NOL10: variants seen among roughly 807,000 people sequenced by gnomAD.
NOL10 encodes the protein H_NH0074G24.1.
NOL10 carries 58 observed loss-of-function variants against 103.5 expected under a neutral mutation model. The observed-to-expected ratio is 0.56, with a 90% CI of 0.45 to 0.70. NOL10 has a LOEUF of 0.70. Among genes scored for constraint, NOL10 ranks in the 30% least tolerant of loss-of-function variants. The pLI, the probability that NOL10 is intolerant of heterozygous loss-of-function variation, is 0.00. For synonymous variants in NOL10, 287 were observed against 282.5 expected (o/e 1.02, Z -0.16); for missense variants, 763 against 807.3 (o/e 0.95, Z 0.67).
chr2:10,642,047 T>C (rs1021886591), intron 13 of NOL10, among the ~76,000 whole-genome samples: 15 of 152,200 alleles, frequency 9.9e-5, no homozygotes, highest in African/African-American at 3.6e-4. Flanking sequence ...TAAGCACTTC[T>C]AAGAGGAAGA....
At chr2:10,573,530 A>G (rs1674294208) in intron 20 of NOL10, among the ~76,000 whole-genome samples, 1 of 151,960 alleles carries the variant, frequency 6.6e-6, no homozygotes. Flanking sequence ...AAACACATGC[A>G]TCTGTGTGTT....
At chr2:10,605,702 C>T (rs1025456187) in intron 14 of NOL10, among the ~76,000 whole-genome samples, 7 of 151,826 alleles carry the variant, frequency 4.6e-5, no homozygotes, top group African/African-American at 1.2e-4. Context: ...TTTTTTCATT[C>T]GATTTAAGAA....
At chr2:10,688,451 G>A (rs1423387007) in intron 1 of NOL10, among the ~76,000 whole-genome samples, 4 of 152,110 alleles carry the variant, frequency 2.6e-5, no homozygotes, top group Admixed American at 1.3e-4. Context: ...CCCATGTGGG[G>A]CTTTTGCACT....
intron 12 of NOL10, among the ~76,000 whole-genome samples, chr2:10,649,146 C>G (rs1421186967): frequency 3.3e-5 from 5 of 151,990 alleles, no homozygotes; most frequent in Non-Finnish European, 7.4e-5. Context: ...GTGAGTGCCA[C>G]CATGTCTGCA....
intron 13 of NOL10, among the ~76,000 whole-genome samples, chr2:10,640,061 C>G (rs1452021239): frequency 6.6e-6 from 1 of 152,156 alleles, no homozygotes; most frequent in Non-Finnish European, 1.5e-5. Flanking sequence ...ACTAAGTTGC[C>G]TTCATCTTCA....
At chr2:10,633,155 T>A (rs1351475914) in intron 13 of NOL10, among the ~76,000 whole-genome samples, 1 of 152,156 alleles carries the variant, frequency 6.6e-6, no homozygotes, top group African/African-American at 2.4e-5. Context: ...CCAAGCACAG[T>A]TGTCCTTGGC....
intron 13 of NOL10, chr2:10,622,141 G>C (rs1677183850): frequency 4.3e-6 from 2 of 464,512 alleles, no homozygotes; most frequent in African/African-American, 4.2e-5. Context: ...GACAGCACTG[G>C]TTTAGAGAAC....
intron 5 of NOL10, chr2:10,673,182 C>G (rs1318425564): frequency 5.2e-6 from 1 of 190,970 alleles, no homozygotes; most frequent in East Asian, 1.2e-4. Context: ...GCAAATAAAT[C>G]TAGGTTAAAC....
At chr2:10,637,551 C>A (rs1572347250) in intron 13 of NOL10, among the ~76,000 whole-genome samples, 1 of 152,320 alleles carries the variant, frequency 6.6e-6, no homozygotes, top group African/African-American at 2.4e-5. Context: ...GAAGGCCTCA[C>A]CTCTGCGGGG....
At chr2:10,659,347 G>GT (rs1553311151) in intron 9 of NOL10, 97 bp from the exon 10 acceptor site, 2 of 488,476 alleles carry the variant, frequency 4.1e-6, no homozygotes, top group Non-Finnish European at 7.7e-6. Flanking sequence ...CTAATGGGGG[G>GT]GGGGGGGAGG....
rs70953315 is a variant in NOL10 at position 10,591,997 on chromosome 2, CACAAACAAACAA to C, written c.1423-2258_1423-2247del. 1.6e-3 allele frequency among the ~76,000 whole-genome samples: 146 copies of C among 88,764 alleles called. 1 individual carries two copies. The highest frequency in any genetic ancestry group is 4.3e-3 in the African/African-American group (135 of 31,062). 58.2% of individuals were successfully genotyped at this position (88,764 alleles called of 152,430 possible). A position where few individuals can be genotyped will look rare whatever the true frequency, so the allele number is the denominator to read the frequency against. On this transcript the variant is annotated intron_variant, in intron 17 of 20. Transcript: ENST00000381685. ...AGCCTGCGTAACAGAGAGACCTTGT[CACAAACAAACAA>C]ACAAACAAACAAACAAACCAACCCA...
intron 12 of NOL10, among the ~76,000 whole-genome samples, chr2:10,645,827 C>T (rs192687637): frequency 2.2e-4 from 33 of 152,148 alleles, no homozygotes; most frequent in African/African-American, 8.0e-4. Context: ...CCGCATCTGG[C>T]CTCGATACTA....
At chr2:10,658,223 A>C (rs1679972800) in intron 10 of NOL10, among the ~76,000 whole-genome samples, 1 of 152,246 alleles carries the variant, frequency 6.6e-6, no homozygotes, top group Non-Finnish European at 1.5e-5. Flanking sequence ...ATAGCAACAG[A>C]TATAAACAAA....
intron 17 of NOL10, among the ~76,000 whole-genome samples, chr2:10,595,451 T>C (rs1675625000): frequency 6.6e-6 from 1 of 152,078 alleles, no homozygotes; most frequent in Non-Finnish European, 1.5e-5. Flanking sequence ...ACCACAGGCA[T>C]GCACCACTAC....
chr2:10,689,805 G>A lies in NOL10; in HGVS notation c.57C>T (p.Ser19=). ...VKIYSLSCGK[S]LPEWLSDRKK... ...CCGGGAAGTGACTCACCTCAGGAAG[G>A]GACTTGCCGCAGCTGAGGCTGTAAA... The change falls in exon 1 of 21, where the codon TCC becomes TCT. Residue 19 remains serine, a synonymous_variant. Transcript: ENST00000381685. The A allele has an allele frequency of 6.2e-7, 1 of 1,605,072 alleles. No homozygotes were observed. The highest frequency in any genetic ancestry group is 8.5e-7 in the Non-Finnish European group (1 of 1,176,016).
intron 13 of NOL10, chr2:10,634,559 C>T (rs753641851): frequency 2.9e-4 from 132 of 456,468 alleles, no homozygotes; most frequent in Non-Finnish European, 4.7e-4. Context: ...AGAGGGAAGG[C>T]TGGAGAGGGA....
intron 6 of NOL10, among the ~76,000 whole-genome samples, chr2:10,669,608 C>T (rs1680798334): frequency 6.6e-6 from 1 of 150,982 alleles, no homozygotes; most frequent in Non-Finnish European, 1.5e-5. Context: ...AAAAATAACA[C>T]AGGGCTGGGC....
intron 20 of NOL10, among the ~76,000 whole-genome samples, chr2:10,577,189 A>G (rs1437880059): frequency 6.6e-6 from 1 of 152,220 alleles, no homozygotes; most frequent in African/African-American, 2.4e-5. Context: ...TGTGACTGTC[A>G]CAAGTTATCA....
chr2:10,627,699 C>CAA lies in NOL10; in HGVS notation c.1026+16619_1026+16620dup, dbSNP rs111536913. ...CAAAAAAAACAAACAAACAAACAAA[C>CAA]AAAAAAAAACAAACAACAACAACAA... On this transcript the variant is annotated intron_variant, in intron 13 of 20. Coordinates refer to ENST00000381685, the MANE Select transcript of NOL10 (RefSeq NM_024894.4). Among the ~76,000 whole-genome samples, 10 of 135,192 alleles carry CAA rather than the reference C, an allele frequency of 7.4e-5. No homozygotes were observed. In the East Asian group the frequency reaches 8.2e-4, roughly 11 times the overall value. 88.7% of individuals were successfully genotyped at this position (135,192 alleles called of 152,430 possible).
Sources: gnomAD v4.1 joint callset for allele counts (sites outside exome capture counted in the v4.1 genomes callset) on GRCh38, gnomAD v4.1.1 for gene constraint, MANE v1.5 for transcripts, NCBI Gene and HGNC (gene_info 2026-07-23, HGNC 2026-07-21) for gene names.